Variants in CCSER1 observed in about 807,000 individuals in gnomAD.
CCSER1 encodes serine-rich coiled-coil domain-containing protein 1.
In CCSER1, 41 loss-of-function variants were observed where a neutral mutation model predicts 82.0. The ratio of observed to expected loss-of-function variants is 0.50; its 90% CI spans 0.39 to 0.65. The LOEUF (loss-of-function observed/expected upper bound fraction) is 0.65, where lower values mean the gene tolerates loss of function less well. CCSER1 is among the 30% of genes least tolerant of loss of function. The pLI, the probability that CCSER1 is intolerant of heterozygous loss-of-function variation, is 0.00. For synonymous variants in CCSER1, 414 were observed against 383.9 expected (o/e 1.08, Z -0.92); for missense variants, 1,119 against 1,064.2 (o/e 1.05, Z -0.72).
At chr4:91,522,340 A>T (rs1216286160) in intron 10 of CCSER1, among the ~76,000 whole-genome samples, 1 of 152,186 alleles carries the variant, frequency 6.6e-6, no homozygotes, top group Non-Finnish European at 1.5e-5. Flanking sequence ...CTTTTTGCTT[A>T]GGATTGTCTT....
At chr4:90,661,115 A>T (rs1404642308) in intron 6 of CCSER1, among the ~76,000 whole-genome samples, 2 of 152,180 alleles carry the variant, frequency 1.3e-5, no homozygotes, top group East Asian at 1.9e-4. Flanking sequence ...CATTCATATT[A>T]TGCAAATAGT....
At chr4:91,159,619 GAATA>G (rs1481866242) in intron 10 of CCSER1, among the ~76,000 whole-genome samples, 15 of 151,756 alleles carry the variant, frequency 9.9e-5, no homozygotes, top group African/African-American at 2.7e-4. Context: ...TTCTAATTGG[GAATA>G]AATATTTTCC....
chr4:91,224,356 C>T (rs986538739), intron 10 of CCSER1, among the ~76,000 whole-genome samples: 1 of 152,048 alleles, frequency 6.6e-6, no homozygotes, highest in Non-Finnish European at 1.5e-5. Flanking sequence ...AGATGAGGTC[C>T]TTGTTTAATG....
intron 10 of CCSER1, among the ~76,000 whole-genome samples, chr4:91,566,941 AT>A (rs1382304139): frequency 6.6e-6 from 1 of 151,422 alleles, no homozygotes; most frequent in Non-Finnish European, 1.5e-5. Context: ...ATTGGGGTTG[AT>A]TTGTTCTTGC....
At chr4:90,332,075 C>T (rs1281074415) in intron 3 of CCSER1, among the ~76,000 whole-genome samples, 1 of 152,062 alleles carries the variant, frequency 6.6e-6, no homozygotes, top group Non-Finnish European at 1.5e-5. Context: ...TAGTATCAGA[C>T]TCAAGAGAAC....
At chr4:90,469,930 C>CA (rs1764138653) in intron 5 of CCSER1, among the ~76,000 whole-genome samples, 1 of 151,984 alleles carries the variant, frequency 6.6e-6, no homozygotes, top group African/African-American at 2.4e-5. Flanking sequence ...ATCCTAAATC[C>CA]AAAAATATGA....
chr4:90,736,922 T>A lies in CCSER1; in HGVS notation c.2010+12931T>A, dbSNP rs72661888. On this transcript the variant is annotated intron_variant, in intron 7 of 10. Coordinates refer to ENST00000509176, the MANE Select transcript of CCSER1 (RefSeq NM_001145065.2). ...AGTAACAACTTATAACCCATTTTTT[T>A]AAAAAATAGGTTTAAAATGCAATGA... Among the ~76,000 whole-genome samples, 444 of 152,172 alleles carry A rather than the reference T, an allele frequency of 2.9e-3. 3 individuals are homozygous for A. Among genetic ancestry groups the A allele is most frequent in the Non-Finnish European group, 5.0e-3 (343 of 67,952 alleles).
chr4:91,383,008 T>C (rs2149340735), intron 10 of CCSER1, among the ~76,000 whole-genome samples: 1 of 152,250 alleles, frequency 6.6e-6, no homozygotes, highest in Non-Finnish European at 1.5e-5. Context: ...CATTTTTTTT[T>C]TTTAGCAATA....
At chr4:90,259,799 T>A (rs1312920) in intron 1 of CCSER1, among the ~76,000 whole-genome samples, 151,388 of 152,294 alleles carry the variant, frequency 0.99, 75,247 homozygotes, top group East Asian at 1. Flanking sequence ...TGCATCTCTG[T>A]GACTAAACTC....
chr4:90,204,458 C>T (rs1431687433), intron 1 of CCSER1, among the ~76,000 whole-genome samples: 1 of 152,032 alleles, frequency 6.6e-6, no homozygotes, highest in East Asian at 1.9e-4. Flanking sequence ...GAATCCTTTC[C>T]CTTTTGATTG....
At chr4:90,481,245 T>G (rs894236779) in intron 5 of CCSER1, among the ~76,000 whole-genome samples, 8 of 152,198 alleles carry the variant, frequency 5.3e-5, no homozygotes, top group African/African-American at 9.6e-5. Flanking sequence ...TGCTGAAGTT[T>G]CTTATCAGCT....
chr4:90,411,316 A>C (rs1036191135), intron 4 of CCSER1, among the ~76,000 whole-genome samples: 1 of 152,190 alleles, frequency 6.6e-6, no homozygotes, highest in African/African-American at 2.4e-5. Flanking sequence ...GCAGAGACAC[A>C]ACAAAAAAAG....
In CCSER1 at chr4:91,601,970, A is replaced by T. The variant is rs1764834361; in HGVS notation, c.*2913A>T. ...AATTATATGCTAAGAGAGTCACCAC[A>T]AAACTATGAATTCTCTCCCGAATTA... On this transcript the variant is annotated 3_prime_UTR_variant, in exon 11 of 11. Transcript: ENST00000509176. 1 of 152,078 alleles carries T rather than the reference A, an allele frequency of 6.6e-6. No individual in the cohort carries two copies. Among genetic ancestry groups the T allele is most frequent in the Admixed American group, 6.6e-5 (1 of 15,240 alleles). The allele number at this position is 152,078 out of a possible 1,614,324, so 9.4% of individuals were successfully genotyped here.
At chr4:91,249,577 A>C (rs1291979856) in intron 10 of CCSER1, among the ~76,000 whole-genome samples, 1 of 152,102 alleles carries the variant, frequency 6.6e-6, no homozygotes, top group Non-Finnish European at 1.5e-5. Context: ...CAATCAGCTT[A>C]TTGTAGGTTT....
chr4:91,462,919 C>G (rs1756595421), intron 10 of CCSER1, among the ~76,000 whole-genome samples: 1 of 152,280 alleles, frequency 6.6e-6, no homozygotes, highest in Admixed American at 6.5e-5. Flanking sequence ...CTCTGAGACT[C>G]CACCTCTGGG....
chr4:90,340,461 T>G (rs1426056231), intron 3 of CCSER1, among the ~76,000 whole-genome samples: 1 of 152,200 alleles, frequency 6.6e-6, no homozygotes, highest in African/African-American at 2.4e-5. Flanking sequence ...TCTGTCAAAT[T>G]GAATTTCATT....
intron 10 of CCSER1, among the ~76,000 whole-genome samples, chr4:91,222,769 A>C (rs1466486395): frequency 1.3e-5 from 2 of 152,206 alleles, no homozygotes; most frequent in Non-Finnish European, 2.9e-5. Flanking sequence ...TAGCCATTAG[A>C]CATCAGTGAC....
chr4:90,737,115 T>C (rs748344588), intron 7 of CCSER1, among the ~76,000 whole-genome samples: 8 of 152,176 alleles, frequency 5.3e-5, no homozygotes, highest in Non-Finnish European at 8.8e-5. Flanking sequence ...CATTCATCTT[T>C]TAGTTTTTCT....
intron 8 of CCSER1, among the ~76,000 whole-genome samples, chr4:90,872,413 T>C (rs957138246): frequency 1.3e-5 from 2 of 151,990 alleles, no homozygotes; most frequent in African/African-American, 4.8e-5. Context: ...TAACATCTTA[T>C]AACAAATTAC....
Sources: allele counts gnomAD v4.1 joint callset (sites outside exome capture counted in the v4.1 genomes callset), GRCh38; gene constraint gnomAD v4.1.1; transcripts MANE v1.5; gene names NCBI Gene and HGNC (gene_info 2026-07-23, HGNC 2026-07-21).